RGPD8: variants seen among roughly 807,000 people sequenced by gnomAD.
RGPD8 encodes RANBP2 like and GRIP domain containing 8, also known as RANBP2-like and GRIP domain-containing protein 8.
Under a neutral mutation model 89.1 loss-of-function variants are expected in RGPD8, and 15 were observed. That is an observed-to-expected ratio of 0.17 (90% CI 0.11 to 0.26). The LOEUF (loss-of-function observed/expected upper bound fraction) is 0.26, where lower values mean the gene tolerates loss of function less well. Ranked by LOEUF, RGPD8 falls within the 10% of genes least tolerant of loss-of-function variation. The pLI, the probability that RGPD8 is intolerant of heterozygous loss-of-function variation, is 1.00. For synonymous variants in RGPD8, 62 were observed against 420.9 expected, an observed-to-expected ratio of 0.15 and a Z score of 10.44; for missense variants, 178 against 1,179.6, an observed-to-expected ratio of 0.15 and a Z score of 12.44.
Position 112,433,511 on chromosome 2 carries a change from C to A in RGPD8, c.-58G>T. The A allele has an allele frequency of 6.5e-7, 1 of 1,542,408 alleles. No homozygotes were observed. The highest frequency in any genetic ancestry group is 8.8e-7 in the Non-Finnish European group (1 of 1,135,640). ...GAGCACCGCTCAGCCCCGCAGCAGT[C>A]GCCACTTCCAAGAGGAAAGTGCCTG... is the stretch of plus-strand genomic sequence containing the variant. On this transcript the variant is annotated 5_prime_UTR_variant, in exon 1 of 23. Transcript: ENST00000302558.
At chr2:112,430,813 C>T (rs1034266212) in intron 1 of RGPD8, among the ~76,000 whole-genome samples, 3 of 151,168 alleles carry the variant, frequency 2.0e-5, no homozygotes, top group Admixed American at 6.6e-5. Flanking sequence ...AGAAAAAAGC[C>T]GGGCATGGTG....
chr2:112,380,163 T>C (rs62157466), intron 21 of RGPD8, among the ~76,000 whole-genome samples: 16,243 of 124,952 alleles, frequency 0.13, 23 homozygotes, highest in East Asian at 0.29. Context: ...CTGAAAACTG[T>C]TTAGTAGTTC....
At chr2:112,380,665 A>AAC (rs1286234392) in intron 21 of RGPD8, among the ~76,000 whole-genome samples, 159 bp downstream of exon 21, 1 of 150,328 alleles carries the variant, frequency 6.7e-6, no homozygotes, top group Non-Finnish European at 1.5e-5. Flanking sequence ...AAAAAAAAAA[A>AAC]AAAAAAGGCA....
At chr2:112,373,443 C>G (rs1379994923) in intron 22 of RGPD8, among the ~76,000 whole-genome samples, 802 of 150,556 alleles carry the variant, frequency 5.3e-3, no homozygotes, top group African/African-American at 0.019. Flanking sequence ...CTTTACCCCC[C>G]TAAGCTAATG....
intron 1 of RGPD8, among the ~76,000 whole-genome samples, chr2:112,427,648 T>G (rs988785072): frequency 5.4e-5 from 8 of 147,584 alleles, no homozygotes; most frequent in African/African-American, 1.5e-4. Flanking sequence ...AGTTCTAAAT[T>G]TCTCTCTTTT....
intron 1 of RGPD8, among the ~76,000 whole-genome samples, chr2:112,432,798 C>G (rs1445428973): frequency 6.6e-6 from 1 of 152,174 alleles, no homozygotes; most frequent in Non-Finnish European, 1.5e-5. Context: ...GAGCCGGCGC[C>G]AAAGGTCTCC....
At chr2:112,433,108 T>C (rs1449231204) in intron 1 of RGPD8, among the ~76,000 whole-genome samples, 2 of 92,356 alleles carry the variant, frequency 2.2e-5, no homozygotes, top group Non-Finnish European at 4.9e-5. Flanking sequence ...TCGGGAGCCA[T>C]GACCCCTGAC....
intron 7 of RGPD8, among the ~76,000 whole-genome samples, chr2:112,408,632 T>C (rs1195615199): frequency 6.6e-6 from 1 of 151,956 alleles, no homozygotes; most frequent in Non-Finnish European, 1.5e-5. Flanking sequence ...AGTTAATTAG[T>C]TGTGAATCCA....
chr2:112,370,349 G>GGGT (rs1677920633), intron 22 of RGPD8, 137 bp from the exon 23 acceptor site: 1 of 198,364 alleles, frequency 5.0e-6, no homozygotes, highest in Non-Finnish European at 7.1e-6. Context: ...CTTTTTTGGT[G>GGGT]GGGGGGGGGG....
rs766718253 is a variant in RGPD8, at chr2:112,433,391, C to G, written c.63G>C (p.Ser21=). 43 of 1,609,994 alleles carry G rather than the reference C, an allele frequency of 2.7e-5. No individual in the cohort carries two copies. The highest frequency in any genetic ancestry group is 3.1e-5 in the Non-Finnish European group (36 of 1,178,966). Residue 21 remains serine, a synonymous_variant, in exon 1 of 23, where the codon TCG becomes TCC. Coordinates refer to ENST00000302558, the MANE Select transcript of RGPD8 (RefSeq NM_001164463.1). ...TTCCAGACCCACTCACCTGTCGAGG[C>G]GACGGGGTGAGACCCAGCACCGAGG... ...YVASVLGLTP[S]PRQKSMKGFY...
Position 112,371,242 on chromosome 2 carries a change from T to C in RGPD8, c.5264-1030A>G, listed in dbSNP as rs1180649236. ...GCCCTTTTCAGCATATAGCACTGAG[T>C]CTTGACAAATGCACAGTTACGTACC... On this transcript the variant is annotated intron_variant, in intron 22 of 22. Coordinates refer to ENST00000302558, the MANE Select transcript of RGPD8 (RefSeq NM_001164463.1). 3.0e-5 allele frequency among the ~76,000 whole-genome samples: 3 copies of C among 101,596 alleles called. No homozygotes were observed. The East Asian group carries it at 8.7e-4, about 29-fold the overall frequency. The allele number at this position is 101,596 out of a possible 152,430, so 66.7% of individuals were successfully genotyped here.
chr2:112,370,359 G>GTGT (rs1677925588), intron 22 of RGPD8, 147 bp from the exon 23 acceptor site: 1 of 100,748 alleles, frequency 9.9e-6, no homozygotes, highest in Non-Finnish European at 1.7e-5. Flanking sequence ...GGGGGGGGGG[G>GTGT]TTCTTTTTTT....
intron 6 of RGPD8, among the ~76,000 whole-genome samples, chr2:112,415,324 G>A (rs1274076348): frequency 7.9e-5 from 12 of 152,310 alleles, no homozygotes; most frequent in Admixed American, 7.2e-4. Flanking sequence ...GGTTCACAAG[G>A]CGGGTAACAA....
chr2:112,430,543 A>G (rs1469912246), intron 1 of RGPD8, among the ~76,000 whole-genome samples: 2 of 152,048 alleles, frequency 1.3e-5, no homozygotes, highest in Non-Finnish European at 2.9e-5. Flanking sequence ...TGGAGAAGTT[A>G]TGTAGTTGAA....
chr2:112,426,314 G>A (rs909622901), intron 1 of RGPD8, among the ~76,000 whole-genome samples: 12 of 151,994 alleles, frequency 7.9e-5, no homozygotes, highest in African/African-American at 1.9e-4. Context: ...TGTAACTAGC[G>A]GGTGGGGAGC....
In RGPD8 at chr2:112,430,093, G is replaced by C. The variant is rs566238668; in HGVS notation, c.72+3289C>G. Reference sequence around the variant, plus strand: ...TTAAGAAGGGCAAAAGCACATGTGAGGGAGTAGAAAAATGGCAAAACAAGA... The same window carrying C: ...TTAAGAAGGGCAAAAGCACATGTGACGGAGTAGAAAAATGGCAAAACAAGA... On this transcript the variant is annotated intron_variant, in intron 1 of 22. Coordinates refer to ENST00000302558, the MANE Select transcript of RGPD8 (RefSeq NM_001164463.1). Among the ~76,000 whole-genome samples, 5 of 152,312 alleles carry C rather than the reference G, an allele frequency of 3.3e-5. No homozygotes were observed. In the South Asian group the frequency reaches 1.0e-3, roughly 32 times the overall value.
At chr2:112,425,473 C>T (rs1048016284) in intron 1 of RGPD8, among the ~76,000 whole-genome samples, 2 of 152,030 alleles carry the variant, frequency 1.3e-5, no homozygotes, top group Non-Finnish European at 2.9e-5. Flanking sequence ...TGCTGATGCA[C>T]ACCAGGCTGG....
chr2:112,429,314 G>A (rs1360358592), intron 1 of RGPD8, among the ~76,000 whole-genome samples: 1 of 148,870 alleles, frequency 6.7e-6, no homozygotes, highest in Admixed American at 6.7e-5. Flanking sequence ...CCAGCTACAG[G>A]CTGGGGCAGG....
chr2:112,415,930 A>C (rs1253876633), intron 6 of RGPD8, among the ~76,000 whole-genome samples: 1 of 152,156 alleles, frequency 6.6e-6, no homozygotes, highest in Non-Finnish European at 1.5e-5. Context: ...TCTCTACTAA[A>C]AATACAAAAA....
Sources: gnomAD v4.1 joint callset for allele counts (sites outside exome capture counted in the v4.1 genomes callset) on GRCh38, gnomAD v4.1.1 for gene constraint, MANE v1.5 for transcripts, NCBI Gene and HGNC (gene_info 2026-07-23, HGNC 2026-07-21) for gene names.